The following OTULIN variants were observed in gnomAD, a reference collection of about 807,000 sequenced individuals.
The protein encoded by OTULIN is ubiquitin thioesterase otulin.
Under a neutral mutation model 39.6 loss-of-function variants are expected in OTULIN, and 15 were observed. The observed-to-expected ratio is 0.38, with a 90% confidence interval of 0.25 to 0.58. The LOEUF is 0.58. Among genes scored for constraint, OTULIN ranks in the 20% least tolerant of loss-of-function variants. The pLI, the probability that OTULIN is intolerant of heterozygous loss-of-function variation, is 0.66. For synonymous variants in OTULIN, 156 were observed against 170.3 expected, an observed-to-expected ratio of 0.92 and a Z score of 0.65; for missense variants, 319 against 445.9, an observed-to-expected ratio of 0.72 and a Z score of 2.56.
At chr5:14,673,391 T>C (rs1037335329) in intron 1 of OTULIN, among the ~76,000 whole-genome samples, 5 of 152,224 alleles carry the variant, frequency 3.3e-5, no homozygotes, top group Non-Finnish European at 5.9e-5. Flanking sequence ...CCTTCAGAGC[T>C]ACCTAGCAAA....
Position 14,697,886 on chromosome 5 carries a change from G to C in OTULIN, c.*4838G>C, listed in dbSNP as rs973814205. On this transcript the variant is annotated 3_prime_UTR_variant, in exon 7 of 7. Coordinates refer to ENST00000284274, the MANE Select transcript of OTULIN (RefSeq NM_138348.6). ...TCTCCCAGTAAGCAGAAGTACTTGA[G>C]CTTAATTCTGAACTTCAAAGTAATA... The C allele has an allele frequency of 2.6e-5, 4 of 152,156 alleles. No homozygotes were observed. The highest frequency in any genetic ancestry group is 2.6e-4 in the Admixed American group (4 of 15,282). 9.4% of individuals were successfully genotyped at this position (152,156 alleles called of 1,614,324 possible). A position where few individuals can be genotyped will look rare whatever the true frequency, so the allele number is the denominator to read the frequency against.
chr5:14,716,194 C>T, the OTULIN span, among the ~76,000 whole-genome samples: 2 of 152,114 alleles, frequency 1.3e-5, no homozygotes, highest in East Asian at 1.9e-4. Flanking sequence ...TTTTTGTAAT[C>T]ACTGCACTTT....
At chr5:14,678,573 G>A in intron 2 of OTULIN, 108 bp from the exon 3 acceptor site, 1 of 774,924 alleles carries the variant, frequency 1.3e-6, no homozygotes, top group Non-Finnish European at 2.0e-6. Context: ...TGGATTTTTT[G>A]ACGTGAAGAA....
intron 1 of OTULIN, among the ~76,000 whole-genome samples, chr5:14,665,282 T>C (rs1735805084): frequency 6.6e-6 from 1 of 152,184 alleles, no homozygotes. Flanking sequence ...AAGTGATGTA[T>C]TTTATTACTG....
chr5:14,665,604 A>G (rs1312959106), intron 1 of OTULIN, among the ~76,000 whole-genome samples: 1 of 152,186 alleles, frequency 6.6e-6, no homozygotes, highest in African/African-American at 2.4e-5. Context: ...GCGTGGAAGC[A>G]GAATAGAAAC....
At chr5:14,682,854 C>A (rs889863489) in intron 4 of OTULIN, among the ~76,000 whole-genome samples, 1 of 152,176 alleles carries the variant, frequency 6.6e-6, no homozygotes, top group African/African-American at 2.4e-5. Context: ...ATCTCAAGCT[C>A]GGTGCCTGAT....
intron 1 of OTULIN, among the ~76,000 whole-genome samples, chr5:14,672,851 A>G (rs1736012582): frequency 6.6e-6 from 1 of 152,216 alleles, no homozygotes; most frequent in Admixed American, 6.5e-5. Context: ...CATGAAAGAT[A>G]GAATTTGGGT....
At chr5:14,673,057 C>T (rs895932888) in intron 1 of OTULIN, among the ~76,000 whole-genome samples, 1 of 152,058 alleles carries the variant, frequency 6.6e-6, no homozygotes, top group African/African-American at 2.4e-5. Context: ...TAGTAGCGGA[C>T]AGTGGGAATC....
intron 1 of OTULIN, among the ~76,000 whole-genome samples, chr5:14,672,519 C>T (rs969170208): frequency 6.6e-6 from 1 of 151,966 alleles, no homozygotes; most frequent in African/African-American, 2.4e-5. Context: ...TAGCCTGGCA[C>T]CTCCTCCTTC....
rs1387934849 is a variant in OTULIN, at chr5:14,693,669, C to T, written c.*621C>T. 6.6e-6 allele frequency: 1 copy of T among 152,186 alleles called. No individual in the cohort carries two copies. Among genetic ancestry groups the T allele is most frequent in the Non-Finnish European group, 1.5e-5 (1 of 68,044 alleles). The allele number at this position is 152,186 out of a possible 1,614,324, so 9.4% of individuals were successfully genotyped here. ...GAAGAGCAATGGTTTGGACTTACAT[C>T]TTAATTAAGGCTATTTTAAGCAGAT... On this transcript the variant is annotated 3_prime_UTR_variant, in exon 7 of 7. Coordinates refer to ENST00000284274, the MANE Select transcript of OTULIN (RefSeq NM_138348.6).
the OTULIN span, among the ~76,000 whole-genome samples, chr5:14,712,289 C>G: frequency 6.6e-6 from 1 of 152,250 alleles, no homozygotes; most frequent in Non-Finnish European, 1.5e-5. Context: ...CTGCTACTCT[C>G]TTGACCAACT....
rs763774208 is a variant in OTULIN, at chr5:14,695,114, G to C, written c.*2066G>C. The C allele has an allele frequency of 6.6e-6, 1 of 152,172 alleles. No individual in the cohort carries two copies. Among genetic ancestry groups the C allele is most frequent in the Non-Finnish European group, 1.5e-5 (1 of 68,028 alleles). The allele number at this position is 152,172 out of a possible 1,614,324, so 9.4% of individuals were successfully genotyped here. ...ACTTGAATTGGATTTCTGGGTAAAA[G>C]AATGTGTTTCTTTTATGTTGCTTAT... is the stretch of plus-strand genomic sequence containing the variant. On this transcript the variant is annotated 3_prime_UTR_variant, in exon 7 of 7. Transcript: ENST00000284274.
intron 1 of OTULIN, among the ~76,000 whole-genome samples, chr5:14,672,562 G>GCCT (rs1736005221): frequency 6.6e-6 from 1 of 152,106 alleles, no homozygotes; most frequent in Non-Finnish European, 1.5e-5. Flanking sequence ...CCTTGTGTGA[G>GCCT]GATGGGGTAT....
intron 4 of OTULIN, among the ~76,000 whole-genome samples, chr5:14,682,735 T>C (rs886249905): frequency 2.0e-5 from 3 of 152,218 alleles, no homozygotes; most frequent in African/African-American, 7.2e-5. Flanking sequence ...TTTTTATTTT[T>C]ATTTTTTTTG....
rs1579974765 is a variant in OTULIN, at chr5:14,687,883, G to A, written c.594+237G>A. The stretch of plus-strand genomic sequence containing the variant: ...GTACTAGGGTATCAAATAATGAAGT[G>A]TTTGACTTTCTTAAAAGGAAACCTT... On this transcript the variant is annotated intron_variant, in intron 5 of 6. Coordinates refer to ENST00000284274, the MANE Select transcript of OTULIN (RefSeq NM_138348.6). The A allele has an allele frequency of 2.6e-5, 8 of 305,378 alleles. No homozygotes were observed. In the East Asian group the frequency reaches 4.5e-4, roughly 17 times the overall value. 18.9% of individuals were successfully genotyped at this position (305,378 alleles called of 1,614,324 possible).
At chr5:14,674,827 A>G (rs559812317) in intron 2 of OTULIN, among the ~76,000 whole-genome samples, 248 of 152,334 alleles carry the variant, frequency 1.6e-3, no homozygotes, top group Admixed American at 2.4e-3. Context: ...CCACTTTTAA[A>G]TGATGATACC....
intron 1 of OTULIN, among the ~76,000 whole-genome samples, chr5:14,670,789 A>G (rs1166509578): frequency 7.0e-6 from 1 of 142,582 alleles, no homozygotes; most frequent in East Asian, 2.0e-4. Flanking sequence ...TTTTTTTTGT[A>G]GAGGCGGGGT....
chr5:14,664,753 T>G lies in OTULIN; in HGVS notation c.-73T>G. ...CCGGCGGCTGAGAGGCTGCGGCCACTGCCTGGCACCCCGACGGGAGGGGCT... is the reference window on the plus strand; with the variant it reads ...CCGGCGGCTGAGAGGCTGCGGCCACGGCCTGGCACCCCGACGGGAGGGGCT... On this transcript the variant is annotated 5_prime_UTR_variant, in exon 1 of 7. Transcript: ENST00000284274. The G allele has an allele frequency of 9.1e-7, 1 of 1,093,042 alleles. No individual in the cohort carries two copies. Among genetic ancestry groups the G allele is most frequent in the Non-Finnish European group, 1.1e-6 (1 of 898,332 alleles). The allele number at this position is 1,093,042 out of a possible 1,614,324, so 67.7% of individuals were successfully genotyped here. A position where few individuals can be genotyped will look rare whatever the true frequency, so the allele number is the denominator to read the frequency against.
chr5:14,678,372 C>T (rs189423335), intron 2 of OTULIN, among the ~76,000 whole-genome samples: 250 of 152,294 alleles, frequency 1.6e-3, no homozygotes, highest in Admixed American at 5.3e-3. Flanking sequence ...GCAGGAGCCC[C>T]TGGAGCTCTC....
Sources: gnomAD v4.1 joint callset for allele counts (sites outside exome capture counted in the v4.1 genomes callset) on GRCh38, gnomAD v4.1.1 for gene constraint, MANE v1.5 for transcripts, NCBI Gene and HGNC (gene_info 2026-07-23, HGNC 2026-07-21) for gene names.